Variants in NLGN1 observed in about 807,000 individuals in gnomAD.
The protein encoded by NLGN1 is neuroligin 1.
NLGN1 carries 12 observed loss-of-function variants against 65.5 expected under a neutral mutation model. The observed-to-expected ratio is 0.18, with a 90% CI of 0.12 to 0.30. NLGN1 has a LOEUF of 0.30. Among genes scored for constraint, NLGN1 ranks in the 10% least tolerant of loss-of-function variants. NLGN1 has a pLI of 1.00. For synonymous variants in NLGN1, 350 were observed against 359.5 expected (o/e 0.97, Z 0.30); for missense variants, 750 against 1,007.1 (o/e 0.74, Z 3.46).
chr3:174,098,065 A>G (rs1165480202), intron 4 of NLGN1, among the ~76,000 whole-genome samples: 2 of 152,226 alleles, frequency 1.3e-5, no homozygotes, highest in Non-Finnish European at 2.9e-5. Flanking sequence ...TTCTCCATAA[A>G]TGTTGGACCA....
chr3:173,407,023 A>G (rs1718829315), intron 1 of NLGN1, among the ~76,000 whole-genome samples: 1 of 151,792 alleles, frequency 6.6e-6, no homozygotes, highest in Non-Finnish European at 1.5e-5. Flanking sequence ...TAAAATTATT[A>G]ATTAAATTAT....
intron 4 of NLGN1, among the ~76,000 whole-genome samples, chr3:173,952,249 G>A (rs546626933): frequency 6.6e-6 from 1 of 152,220 alleles, no homozygotes; most frequent in South Asian, 2.1e-4. Flanking sequence ...TTCCCGATAA[G>A]AGCCAACAAG....
At chr3:174,283,196 A>G (rs1334576789) in exon 7 of NLGN1, 2 of 151,482 alleles carry the variant, frequency 1.3e-5, no homozygotes, top group Non-Finnish European at 3.0e-5. Flanking sequence ...TAATTTTTCT[A>G]GATTAGACCA....
chr3:173,814,738 T>C (rs1718666701), intron 4 of NLGN1, among the ~76,000 whole-genome samples: 1 of 152,212 alleles, frequency 6.6e-6, no homozygotes, highest in Non-Finnish European at 1.5e-5. Flanking sequence ...TTAAGTATAT[T>C]GTGAAAAATA....
chr3:173,831,344 G>A (rs979862113), intron 4 of NLGN1, among the ~76,000 whole-genome samples: 2 of 152,152 alleles, frequency 1.3e-5, no homozygotes, highest in African/African-American at 4.8e-5. Flanking sequence ...GAAGATAAAA[G>A]GAAAATAACT....
rs189802891 is a variant in NLGN1 at position 173,985,474 on chromosome 3, G to A, written c.646+177642G>A. 1.2e-3 allele frequency among the ~76,000 whole-genome samples: 179 copies of A among 152,242 alleles called. 1 individual carries two copies. The highest frequency in any genetic ancestry group is 2.7e-3 in the Admixed American group (41 of 15,290). On this transcript the variant is annotated intron_variant, in intron 4 of 6. Coordinates refer to ENST00000457714, the Ensembl canonical transcript of NLGN1. ...TCTAGTGCCAGGAGAGAGACTAACA[G>A]AAAGCATTTTGGTTTTGTCTATAGA...
At chr3:173,398,828 T>G (rs914861999) in intron 1 of NLGN1, among the ~76,000 whole-genome samples, 1 of 152,228 alleles carries the variant, frequency 6.6e-6, no homozygotes, top group African/African-American at 2.4e-5. Flanking sequence ...CTATTTTTGC[T>G]TAAGTCAATT....
chr3:173,446,811 C>G (rs1246678927), intron 2 of NLGN1, among the ~76,000 whole-genome samples: 3 of 152,162 alleles, frequency 2.0e-5, no homozygotes, highest in Non-Finnish European at 4.4e-5. Flanking sequence ...TCTCTGATGG[C>G]CAGCGAGGAT....
At chr3:173,803,076 G>A (rs976604878) in intron 3 of NLGN1, among the ~76,000 whole-genome samples, 7 of 151,870 alleles carry the variant, frequency 4.6e-5, no homozygotes, top group Non-Finnish European at 8.8e-5. Flanking sequence ...CCTGACTTCA[G>A]GTGATCCACC....
chr3:173,552,644 C>T (rs1165139496), intron 2 of NLGN1, among the ~76,000 whole-genome samples: 2 of 152,146 alleles, frequency 1.3e-5, no homozygotes, highest in Admixed American at 6.5e-5. Flanking sequence ...AGTCTTCCCA[C>T]CTCACAGATT....
intron 4 of NLGN1, among the ~76,000 whole-genome samples, chr3:173,901,018 T>C (rs1283338354): frequency 6.6e-6 from 1 of 152,044 alleles, no homozygotes; most frequent in Non-Finnish European, 1.5e-5. Flanking sequence ...TAAGAAAACA[T>C]CATAGAGTTC....
intron 3 of NLGN1, among the ~76,000 whole-genome samples, chr3:173,784,448 T>C (rs1781638181): frequency 6.6e-6 from 1 of 152,010 alleles, no homozygotes; most frequent in African/African-American, 2.4e-5. Context: ...AACAGGGACA[T>C]ACAGAGGGAA....
intron 4 of NLGN1, among the ~76,000 whole-genome samples, chr3:173,971,960 C>T (rs1236502020): frequency 6.6e-6 from 1 of 151,824 alleles, no homozygotes; most frequent in East Asian, 2.0e-4. Flanking sequence ...GGAGTGGACT[C>T]CAGGAAACCA....
chr3:173,590,531 AGT>A (rs1748303099), intron 2 of NLGN1, among the ~76,000 whole-genome samples: 1 of 152,138 alleles, frequency 6.6e-6, no homozygotes, highest in Non-Finnish European at 1.5e-5. Flanking sequence ...TTCGGAGCTG[AGT>A]GTATTTCTCT....
chr3:174,141,755 A>G (rs1360348652), intron 4 of NLGN1, among the ~76,000 whole-genome samples: 1 of 152,212 alleles, frequency 6.6e-6, no homozygotes, highest in Non-Finnish European at 1.5e-5. Context: ...GGAGAGATGA[A>G]CAATAAATAG....
At chr3:173,477,333 G>A (rs75638557) in intron 2 of NLGN1, among the ~76,000 whole-genome samples, 4 of 152,082 alleles carry the variant, frequency 2.6e-5, no homozygotes, top group South Asian at 2.1e-4. Context: ...TTGAGGCCAC[G>A]AATTCAAGAT....
intron 4 of NLGN1, among the ~76,000 whole-genome samples, chr3:173,982,915 C>G (rs1719081782): frequency 6.6e-6 from 1 of 152,038 alleles, no homozygotes; most frequent in Non-Finnish European, 1.5e-5. Flanking sequence ...GAAAAGGTAC[C>G]AATCATTAGA....
At chr3:173,817,081 G>T (rs546875680) in intron 4 of NLGN1, among the ~76,000 whole-genome samples, 3 of 152,312 alleles carry the variant, frequency 2.0e-5, no homozygotes, top group African/African-American at 7.2e-5. Context: ...GATCTCAAGG[G>T]TCAATAGGTG....
At chr3:173,553,893 T>C (rs541767507) in intron 2 of NLGN1, among the ~76,000 whole-genome samples, 4 of 152,270 alleles carry the variant, frequency 2.6e-5, no homozygotes, top group Admixed American at 2.6e-4. Flanking sequence ...GATTTTTGGA[T>C]CGGAAAGGAG....
Sources: allele counts gnomAD v4.1 joint callset (sites outside exome capture counted in the v4.1 genomes callset), GRCh38; gene constraint gnomAD v4.1.1; transcripts MANE v1.5; gene names NCBI Gene and HGNC (gene_info 2026-07-23, HGNC 2026-07-21).